RTL4: variants seen among roughly 807,000 people sequenced by gnomAD.
RTL4 encodes retrotransposon Gag-like protein 4.
RTL4 carries 4 observed loss-of-function variants against 5.3 expected under a neutral mutation model. That is an observed-to-expected ratio of 0.75 (90% CI 0.37 to 1.72). RTL4 has a LOEUF of 1.72. RTL4 is among the 40% of genes most tolerant of loss of function. The pLI is 0.04. For missense variants in RTL4, 260 were observed against 227.1 expected, an observed-to-expected ratio of 1.14 and a Z score of -0.93; for synonymous variants, 98 against 87.3, an observed-to-expected ratio of 1.12 and a Z score of -0.68.
chrX:112,113,386 G>A, the RTL4 span, among the ~76,000 whole-genome samples: 1 of 111,697 alleles, frequency 9.0e-6, no homozygotes, highest in Non-Finnish European at 1.9e-5. Flanking sequence ...AGAAAGGCAT[G>A]TGAAAAGAGC....
At chrX:112,184,562 C>T in the RTL4 span, among the ~76,000 whole-genome samples, 11 of 111,971 alleles carry the variant, frequency 9.8e-5, no homozygotes, top group Admixed American at 8.5e-4. Context: ...TTCTAGTCCA[C>T]GTTTCCTTCC....
chrX:112,218,038 A>T, the RTL4 span, among the ~76,000 whole-genome samples: 1 of 112,243 alleles, frequency 8.9e-6, no homozygotes, highest in Non-Finnish European at 1.9e-5. Flanking sequence ...AACAAAGTCT[A>T]AGCAGGTATA....
the RTL4 span, among the ~76,000 whole-genome samples, chrX:112,319,344 G>C: frequency 9.0e-6 from 1 of 111,372 alleles, no homozygotes; most frequent in Non-Finnish European, 1.9e-5. Context: ...TAATGGAAAG[G>C]CCATTCAAAA....
the RTL4 span, among the ~76,000 whole-genome samples, chrX:112,333,172 G>A: frequency 8.1e-5 from 9 of 110,483 alleles, no homozygotes; most frequent in African/African-American, 1.3e-4. Context: ...GACTGTTTGC[G>A]TCCTTTAATC....
chrX:112,223,458 G>A, the RTL4 span, among the ~76,000 whole-genome samples: 3 of 112,030 alleles, frequency 2.7e-5, no homozygotes, highest in South Asian at 1.1e-3. Flanking sequence ...AAATGAGACA[G>A]ATAGTTTAAA....
the RTL4 span, among the ~76,000 whole-genome samples, chrX:112,421,698 G>A: frequency 8.9e-6 from 1 of 111,971 alleles, no homozygotes; most frequent in Non-Finnish European, 1.9e-5. Flanking sequence ...CCCTTCTTGA[G>A]CACACACCAT....
chrX:112,232,481 T>A, the RTL4 span, among the ~76,000 whole-genome samples: 1 of 112,325 alleles, frequency 8.9e-6, no homozygotes, highest in Non-Finnish European at 1.9e-5. Context: ...TTTTGCATCA[T>A]AGAGCACAGC....
At chrX:112,394,427 CTG>C in the RTL4 span, among the ~76,000 whole-genome samples, 1 of 111,258 alleles carries the variant, frequency 9.0e-6, no homozygotes, top group African/African-American at 3.3e-5. Flanking sequence ...CCTCCTCTGA[CTG>C]TACGTTTTTT....
chrX:112,115,005 C>T, the RTL4 span, among the ~76,000 whole-genome samples: 6 of 111,111 alleles, frequency 5.4e-5, no homozygotes, highest in African/African-American at 2.0e-4. Flanking sequence ...GCTTCTTTTT[C>T]AGGGTTTTTG....
At chrX:112,282,552 G>T in the RTL4 span, among the ~76,000 whole-genome samples, 1 of 111,660 alleles carries the variant, frequency 9.0e-6, no homozygotes, top group Non-Finnish European at 1.9e-5. Context: ...TTTTCATAGG[G>T]TATGTATCAA....
At chrX:112,262,949 C>A in the RTL4 span, among the ~76,000 whole-genome samples, 24,765 of 105,356 alleles carry the variant, frequency 0.24, 2,729 homozygotes, top group African/African-American at 0.42. Flanking sequence ...CAAGGACAAA[C>A]ACCAAACACC....
chrX:112,193,158 A>G, the RTL4 span, among the ~76,000 whole-genome samples: 1,697 of 111,466 alleles, frequency 0.015, 37 homozygotes, highest in African/African-American at 0.052. Flanking sequence ...ATTTTTATGG[A>G]TAACATAATT....
At chrX:112,194,161 C>T in the RTL4 span, among the ~76,000 whole-genome samples, 1 of 112,122 alleles carries the variant, frequency 8.9e-6, no homozygotes, top group Admixed American at 9.4e-5. Flanking sequence ...AATAGTTTAT[C>T]TCTAATTTAA....
At chrX:112,442,704 C>T in the RTL4 span, among the ~76,000 whole-genome samples, 1 of 111,790 alleles carries the variant, frequency 8.9e-6, no homozygotes, top group African/African-American at 3.2e-5. Context: ...CAATAGCATC[C>T]TGAATACAGA....
chrX:112,424,306 A>T, the RTL4 span, among the ~76,000 whole-genome samples: 2 of 111,899 alleles, frequency 1.8e-5, no homozygotes, highest in East Asian at 5.6e-4. Context: ...GCTTTAACAG[A>T]ATTATTTCCA....
the RTL4 span, among the ~76,000 whole-genome samples, chrX:112,167,675 T>G: frequency 4.3e-5 from 4 of 91,989 alleles, no homozygotes; most frequent in East Asian, 3.0e-4. Flanking sequence ...AAGTGAGGTG[T>G]TTTTTTTTTT....
At chrX:112,165,128 C>A in the RTL4 span, among the ~76,000 whole-genome samples, 1 of 111,801 alleles carries the variant, frequency 8.9e-6, no homozygotes, top group Admixed American at 9.5e-5. Context: ...TACTGCCTCG[C>A]GCGGTCATGG....
At chrX:112,439,167 T>C in the RTL4 span, among the ~76,000 whole-genome samples, 1 of 111,481 alleles carries the variant, frequency 9.0e-6, no homozygotes, top group East Asian at 2.8e-4. Context: ...GCAGATTAAC[T>C]CCTCATCTAC....
At chrX:112,110,984 G>C in the RTL4 span, among the ~76,000 whole-genome samples, 4 of 111,913 alleles carry the variant, frequency 3.6e-5, no homozygotes, top group Non-Finnish European at 7.5e-5. Context: ...GTTGTCAGTG[G>C]CCTCAGTGCT....
Sources: gnomAD v4.1 joint callset for allele counts (sites outside exome capture counted in the v4.1 genomes callset) on GRCh38, gnomAD v4.1.1 for gene constraint, MANE v1.5 for transcripts, NCBI Gene and HGNC (gene_info 2026-07-23, HGNC 2026-07-21) for gene names.